The following DEPTOR variants were observed in gnomAD, a reference collection of about 807,000 sequenced individuals.
DEPTOR encodes DEP domain-containing mTOR-interacting protein.
DEPTOR carries 41 observed loss-of-function variants against 41.6 expected under a neutral mutation model. The observed-to-expected ratio is 0.98, with a 90% confidence interval of 0.77 to 1.28. DEPTOR has a LOEUF of 1.28. DEPTOR is among the 50% of genes most tolerant of loss of function. The pLI, the probability that DEPTOR is intolerant of heterozygous loss-of-function variation, is 0.00. For synonymous variants in DEPTOR, 195 were observed against 192.3 expected (o/e 1.01, Z -0.12); for missense variants, 514 against 527.9 (o/e 0.97, Z 0.26).
intron 8 of DEPTOR, among the ~76,000 whole-genome samples, chr8:120,028,452 CTTTTTTTT>C (rs754049805): frequency 9.3e-6 from 1 of 107,372 alleles, no homozygotes; most frequent in Non-Finnish European, 1.9e-5. Flanking sequence ...AGCTCCAAAT[CTTTTTTTT>C]TTTTTTTTTT....
chr8:119,901,348 A>C (rs1827587510), intron 1 of DEPTOR, among the ~76,000 whole-genome samples: 1 of 152,096 alleles, frequency 6.6e-6, no homozygotes, highest in Admixed American at 6.6e-5. Flanking sequence ...CAAACATATT[A>C]ATATTTTTAG....
intron 1 of DEPTOR, among the ~76,000 whole-genome samples, chr8:119,893,378 T>A (rs1473069787): frequency 6.6e-6 from 1 of 152,186 alleles, no homozygotes; most frequent in Non-Finnish European, 1.5e-5. Flanking sequence ...GGAAGAACGT[T>A]TATTCAGGGA....
intron 8 of DEPTOR, among the ~76,000 whole-genome samples, chr8:120,046,350 C>T (rs1049830648): frequency 4.6e-5 from 7 of 151,646 alleles, no homozygotes; most frequent in African/African-American, 1.7e-4. Context: ...ACTTCCATGC[C>T]CCACCCCACC....
At chr8:120,035,957 A>G (rs182813738) in intron 8 of DEPTOR, among the ~76,000 whole-genome samples, 1 of 152,360 alleles carries the variant, frequency 6.6e-6, no homozygotes, top group Admixed American at 6.5e-5. Flanking sequence ...GGAAGGTGAC[A>G]TCAGTGTCGG....
At chr8:119,914,293 C>G (rs139480348) in intron 1 of DEPTOR, among the ~76,000 whole-genome samples, 6 of 151,242 alleles carry the variant, frequency 4.0e-5, no homozygotes, top group African/African-American at 1.2e-4. Context: ...CTGTCTGCCT[C>G]GGCCTCCCAA....
At chr8:119,989,156 A>G (rs1418101259) in intron 4 of DEPTOR, among the ~76,000 whole-genome samples, 1 of 151,696 alleles carries the variant, frequency 6.6e-6, no homozygotes, top group Non-Finnish European at 1.5e-5. Context: ...GGTGGTGAAT[A>G]TTTCTTTAAA....
chr8:119,990,744 A>G (rs1362632080), intron 4 of DEPTOR, among the ~76,000 whole-genome samples: 1 of 152,220 alleles, frequency 6.6e-6, no homozygotes, highest in Non-Finnish European at 1.5e-5. Flanking sequence ...TTTATGTCCT[A>G]CAATCAATTT....
In DEPTOR at chr8:119,947,156, C is replaced by G. The variant is rs72673647; in HGVS notation, c.425+17218C>G. On this transcript the variant is annotated intron_variant, in intron 3 of 8. Transcript: ENST00000286234. ...AGCAGCTCAGGATCATAGCACCCAACTGCAGTTTAGAAGTCCTAGGATGGC... is the reference window on the plus strand; with the variant it reads ...AGCAGCTCAGGATCATAGCACCCAAGTGCAGTTTAGAAGTCCTAGGATGGC... Among the ~76,000 whole-genome samples, 951 of 152,322 alleles carry G rather than the reference C, an allele frequency of 6.2e-3. 7 individuals carry two copies. The highest frequency in any genetic ancestry group is 0.02 in the Middle Eastern group (6 of 294).
intron 1 of DEPTOR, among the ~76,000 whole-genome samples, chr8:119,875,843 T>C (rs1469333179): frequency 2.6e-5 from 4 of 152,210 alleles, no homozygotes; most frequent in Non-Finnish European, 5.9e-5. Flanking sequence ...GTGCAGAACC[T>C]GAACTAACCT....
At chr8:119,889,674 AGG>A (rs1827426386) in intron 1 of DEPTOR, among the ~76,000 whole-genome samples, 2 of 13,860 alleles carry the variant, frequency 1.4e-4, no homozygotes, top group Non-Finnish European at 3.2e-4. Context: ...GGGAGGGGAG[AGG>A]AGGGGAGGAC....
intron 8 of DEPTOR, among the ~76,000 whole-genome samples, chr8:120,013,154 C>CAAAAA (rs34050547): frequency 1.6e-5 from 2 of 127,038 alleles, no homozygotes. Flanking sequence ...GAGACTGTCT[C>CAAAAA]AAAAAGAAAA....
At chr8:119,936,943 G>C (rs1179183425) in intron 3 of DEPTOR, among the ~76,000 whole-genome samples, 2 of 152,070 alleles carry the variant, frequency 1.3e-5, no homozygotes, top group Non-Finnish European at 2.9e-5. Flanking sequence ...AGAATTGCTT[G>C]AACCTGGGAG....
At chr8:119,938,120 T>G (rs1828136466) in intron 3 of DEPTOR, among the ~76,000 whole-genome samples, 1 of 152,220 alleles carries the variant, frequency 6.6e-6, no homozygotes, top group African/African-American at 2.4e-5. Flanking sequence ...AAGAGTTATC[T>G]TCTAACAACT....
chr8:120,042,061 T>G (rs1813081561), intron 8 of DEPTOR, among the ~76,000 whole-genome samples: 1 of 151,160 alleles, frequency 6.6e-6, no homozygotes, highest in Non-Finnish European at 1.5e-5. Flanking sequence ...CAATCCCATC[T>G]TTGGAAACAG....
At chr8:120,026,669 A>G (rs1812801747) in intron 8 of DEPTOR, among the ~76,000 whole-genome samples, 1 of 152,084 alleles carries the variant, frequency 6.6e-6, no homozygotes, top group Admixed American at 6.6e-5. Flanking sequence ...TAGGTAAGGA[A>G]AGTAAGGCCC....
intron 8 of DEPTOR, among the ~76,000 whole-genome samples, chr8:120,023,107 G>A (rs1479627773): frequency 6.6e-6 from 1 of 152,166 alleles, no homozygotes; most frequent in Non-Finnish European, 1.5e-5. Flanking sequence ...CTCACAGAGG[G>A]CCGGTTTCTC....
chr8:119,874,819 T>C (rs187318667), intron 1 of DEPTOR, among the ~76,000 whole-genome samples: 257 of 152,294 alleles, frequency 1.7e-3, no homozygotes, highest in African/African-American at 5.8e-3. Context: ...ATAGTACTTA[T>C]GGTCTAACTG....
chr8:119,956,761 G>C (rs538755735), intron 3 of DEPTOR, among the ~76,000 whole-genome samples: 1 of 108,566 alleles, frequency 9.2e-6, no homozygotes, highest in Non-Finnish European at 1.7e-5. Flanking sequence ...TTTAGATGAA[G>C]TCTCATTCTG....
chr8:119,990,568 A>G (rs978427237), intron 4 of DEPTOR, among the ~76,000 whole-genome samples: 1 of 152,220 alleles, frequency 6.6e-6, no homozygotes, highest in Admixed American at 6.5e-5. Context: ...CAGCACTCAG[A>G]CAATCACAGT....
Sources: gnomAD v4.1 joint callset for allele counts (sites outside exome capture counted in the v4.1 genomes callset) on GRCh38, gnomAD v4.1.1 for gene constraint, MANE v1.5 for transcripts, NCBI Gene and HGNC (gene_info 2026-07-23, HGNC 2026-07-21) for gene names.